The following TOPBP1 variants were observed in gnomAD, a reference collection of about 807,000 sequenced individuals.
TOPBP1 encodes DNA topoisomerase 2-binding protein 1.
In TOPBP1, 28 loss-of-function variants were observed where a neutral mutation model predicts 167.7. The ratio of observed to expected loss-of-function variants is 0.17; its 90% CI spans 0.12 to 0.23. The LOEUF is 0.23. Ranked by LOEUF, TOPBP1 falls within the 10% of genes least tolerant of loss-of-function variation. The pLI is 1.00. For missense variants in TOPBP1, 1,554 were observed against 1,809.6 expected (o/e 0.86, Z 2.56); for synonymous variants, 598 against 611.4 (o/e 0.98, Z 0.32).
In TOPBP1 at chr3:133,617,202, A is replaced by C. The variant is rs1934924433; in HGVS notation, c.3717T>G (p.Phe1239Leu). The change falls in exon 22 of 28, where the codon TTT becomes TTG. Residue 1239 changes from phenylalanine (F) to leucine (L), a missense_variant. By Grantham distance (22) the Phe-to-Leu change is conservative. Coordinates refer to ENST00000260810, the MANE Select transcript of TOPBP1 (RefSeq NM_007027.4). ...IPTPQAPSIA[F>L]PLANPPVAPH... Reference sequence around the variant, plus strand: ...GAGCCACAGGGGGGTTGGCGAGTGGAAAGGCAATACTGGGGGCTTGAGGCG... The same window carrying C: ...GAGCCACAGGGGGGTTGGCGAGTGGCAAGGCAATACTGGGGGCTTGAGGCG... 6.2e-7 allele frequency: 1 copy of C among 1,613,440 alleles called. No individual in the cohort carries two copies. Among genetic ancestry groups the C allele is most frequent in the Non-Finnish European group, 8.5e-7 (1 of 1,179,764 alleles).
intron 14 of TOPBP1, among the ~76,000 whole-genome samples, chr3:133,633,249 A>G (rs1488626519): frequency 6.6e-6 from 1 of 152,114 alleles, no homozygotes; most frequent in Admixed American, 6.6e-5. Context: ...CACCTCCATC[A>G]TGCCACCAAA....
At chr3:133,606,822 C>G (rs1164046950) in intron 27 of TOPBP1, among the ~76,000 whole-genome samples, 1 of 152,018 alleles carries the variant, frequency 6.6e-6, no homozygotes, top group Non-Finnish European at 1.5e-5. Flanking sequence ...AAAACCAGCC[C>G]TAGTCCATAC....
intron 23 of TOPBP1, among the ~76,000 whole-genome samples, chr3:133,616,183 T>C (rs1441044386): frequency 6.6e-6 from 1 of 151,556 alleles, no homozygotes; most frequent in Non-Finnish European, 1.5e-5. Flanking sequence ...ACAGTGGCGC[T>C]ATCTTGGCTC....
At chr3:133,642,555 G>A (rs1310736886) in intron 12 of TOPBP1, among the ~76,000 whole-genome samples, 1 of 152,146 alleles carries the variant, frequency 6.6e-6, no homozygotes, top group African/African-American at 2.4e-5. Context: ...ATTGGGAATT[G>A]GATCTAGAAG....
chr3:133,637,527 T>G (rs1367750408), intron 14 of TOPBP1, among the ~76,000 whole-genome samples: 4 of 152,228 alleles, frequency 2.6e-5, no homozygotes, highest in Admixed American at 2.6e-4. Flanking sequence ...AGTGATTTCA[T>G]CATTTGATCT....
rs141835340 is a variant in TOPBP1 at position 133,650,353 on chromosome 3, T to TTGTG, written c.1090-414_1090-411dup. ...TGAATTCTGAACACCTGGGCTTAAATTGTGTGTGTGTGGGGGGCGGGGGGA... is the reference window on the plus strand; with the variant it reads ...TGAATTCTGAACACCTGGGCTTAAATTGTGTGTGTGTGTGTGGGGGGCGGGGGGA... On this transcript the variant is annotated intron_variant, in intron 8 of 27. Coordinates refer to ENST00000260810, the MANE Select transcript of TOPBP1 (RefSeq NM_007027.4). Among the ~76,000 whole-genome samples the TTGTG allele has an allele frequency of 2.7e-3, 267 of 99,494 alleles. 2 individuals carry two copies. Among genetic ancestry groups the TTGTG allele is most frequent in the African/African-American group, 8.2e-3 (218 of 26,668 alleles). The allele number at this position is 99,494 out of a possible 152,430, so 65.3% of individuals were successfully genotyped here. A position where few individuals can be genotyped will look rare whatever the true frequency, so the allele number is the denominator to read the frequency against.
intron 13 of TOPBP1, among the ~76,000 whole-genome samples, chr3:133,639,329 G>A (rs1194606871): frequency 6.6e-6 from 1 of 152,124 alleles, no homozygotes; most frequent in Non-Finnish European, 1.5e-5. Flanking sequence ...GATGAAGCTG[G>A]AAACCATCAT....
At position 133,637,948 on chromosome 3, in the gene TOPBP1, G is replaced by A. The variant is rs1935734077; in HGVS notation, c.2448C>T (p.Pro816=). 4 of 1,613,964 alleles carry A rather than the reference G, an allele frequency of 2.5e-6. No individual in the cohort carries two copies. The highest frequency in any genetic ancestry group is 3.4e-6 in the Non-Finnish European group (4 of 1,179,874). ...PAVGQPLQKE[P]SLHLDTPSKF... is the part of the protein sequence containing the mutation. ...TTGATGGTGTATCCAGGTGTAACGA[G>A]GGCTCCTTCTGAAGTGGTTGTCCTA... Residue 816 remains proline, a synonymous_variant, in exon 14 of 28, where the codon CCC becomes CCT. Coordinates refer to ENST00000260810, the MANE Select transcript of TOPBP1 (RefSeq NM_007027.4).
At chr3:133,607,031 A>G (rs145323965) in intron 27 of TOPBP1, among the ~76,000 whole-genome samples, 65 of 152,286 alleles carry the variant, frequency 4.3e-4, no homozygotes, top group African/African-American at 1.3e-3. Context: ...ACTCTGTACA[A>G]ATTACAATGT....
Position 133,620,145 on chromosome 3 carries a change from A to G in TOPBP1, c.3371+10T>C. On this transcript the variant is annotated intron_variant, in intron 20 of 27. Coordinates refer to ENST00000260810, the MANE Select transcript of TOPBP1 (RefSeq NM_007027.4). Reference sequence around the variant, plus strand: ...ATCTAGTCTTTCTGCCATCAGTGACAGGTACACACCTCAGTGCCTCTAGGA... The same window carrying G: ...ATCTAGTCTTTCTGCCATCAGTGACGGGTACACACCTCAGTGCCTCTAGGA... The G allele has an allele frequency of 6.3e-7, 1 of 1,597,538 alleles. No individual in the cohort carries two copies. Among genetic ancestry groups the G allele is most frequent in the Non-Finnish European group, 8.5e-7 (1 of 1,172,002 alleles).
At chr3:133,614,927 G>C (rs955698741) in intron 23 of TOPBP1, among the ~76,000 whole-genome samples, 11 of 151,492 alleles carry the variant, frequency 7.3e-5, no homozygotes, top group African/African-American at 2.7e-4. Flanking sequence ...GGATACAAAT[G>C]TAACAAACCT....
At chr3:133,623,931 C>G (rs1935182215) in intron 17 of TOPBP1, 121 bp downstream of exon 17, 16 of 1,240,490 alleles carry the variant, frequency 1.3e-5, no homozygotes, top group Non-Finnish European at 1.6e-5. Context: ...TACAGTTAAC[C>G]AAGACTATTA....
chr3:133,640,999 C>T (rs866550554), intron 12 of TOPBP1, among the ~76,000 whole-genome samples: 22 of 152,234 alleles, frequency 1.4e-4, no homozygotes, highest in Admixed American at 3.3e-4. Flanking sequence ...AACAGAATTC[C>T]GTGATTTCTT....
intron 23 of TOPBP1, among the ~76,000 whole-genome samples, chr3:133,615,262 C>A (rs1260090032): frequency 6.6e-6 from 1 of 151,972 alleles, no homozygotes; most frequent in South Asian, 2.1e-4. Flanking sequence ...CTGAGGTCAG[C>A]AGTTCGAGAC....
At chr3:133,650,920 C>A (rs968366075) in intron 8 of TOPBP1, among the ~76,000 whole-genome samples, 1 of 151,800 alleles carries the variant, frequency 6.6e-6, no homozygotes, top group Non-Finnish European at 1.5e-5. Context: ...ACCAGCCTGG[C>A]CAATATGGTG....
rs1934906600 is a variant in TOPBP1, at chr3:133,616,828, A to T, written c.3857T>A (p.Leu1286Gln). 2 of 1,519,572 alleles carry T rather than the reference A, an allele frequency of 1.3e-6. No homozygotes were observed. Among genetic ancestry groups the T allele is most frequent in the South Asian group, 2.6e-5 (2 of 77,442 alleles). 94.1% of individuals were successfully genotyped at this position (1,519,572 alleles called of 1,614,324 possible). ...NPQERIDYCH[L>Q]IEKLGGLVIE... is the part of the protein sequence containing the mutation. Reference sequence around the variant, plus strand: ...AATACTGGTACCTAGTTTCTCAATCAGATGACAATAGTCAATACGTTCTTG... The same window carrying T: ...AATACTGGTACCTAGTTTCTCAATCTGATGACAATAGTCAATACGTTCTTG... Residue 1286 changes from leucine to glutamine, a missense_variant, in exon 23 of 28, where the codon CTG becomes CAG. Leu to Gln is a moderately radical substitution (Grantham distance 113). Coordinates refer to ENST00000260810, the MANE Select transcript of TOPBP1 (RefSeq NM_007027.4).
intron 27 of TOPBP1, among the ~76,000 whole-genome samples, chr3:133,602,127 GT>G (rs1299658329): frequency 7.9e-5 from 12 of 152,244 alleles, no homozygotes; most frequent in African/African-American, 2.9e-4. Flanking sequence ...GGAGATAAGG[GT>G]CTTGCTGTGT....
intron 10 of TOPBP1, among the ~76,000 whole-genome samples, chr3:133,645,118 C>T (rs1360762368): frequency 6.6e-6 from 1 of 152,148 alleles, no homozygotes; most frequent in South Asian, 2.1e-4. Context: ...GTTATAGTGC[C>T]ATCTTCGTAC....
chr3:133,616,371 C>T lies in TOPBP1; in HGVS notation c.3871+443G>A, dbSNP rs145633259. Among the ~76,000 whole-genome samples, 95 of 152,286 alleles carry T rather than the reference C, an allele frequency of 6.2e-4. 2 individuals are homozygous for T. The East Asian group carries it at 0.018, about 29-fold the overall frequency. Reference sequence around the variant, plus strand: ...TCCTGACCCCAGGTGATCCGCCCACCTCAGCCTCCCAAAGTGCTGAGATTA... The same window carrying T: ...TCCTGACCCCAGGTGATCCGCCCACTTCAGCCTCCCAAAGTGCTGAGATTA... On this transcript the variant is annotated intron_variant, in intron 23 of 27. Transcript: ENST00000260810.
Sources: gnomAD v4.1 joint callset for allele counts (sites outside exome capture counted in the v4.1 genomes callset) on GRCh38, gnomAD v4.1.1 for gene constraint, MANE v1.5 for transcripts, NCBI Gene and HGNC (gene_info 2026-07-23, HGNC 2026-07-21) for gene names.